The following UBAP2L variants were observed in gnomAD, a reference collection of about 807,000 sequenced individuals.
The protein encoded by UBAP2L is ubiquitin-associated protein 2-like.
Under a neutral mutation model 130.6 loss-of-function variants are expected in UBAP2L, and 12 were observed. The ratio of observed to expected loss-of-function variants is 0.09; its 90% CI spans 0.06 to 0.15. UBAP2L has a LOEUF of 0.15. Ranked by LOEUF, UBAP2L falls within the 10% of genes least tolerant of loss-of-function variation. The probability of loss-of-function intolerance (pLI) is 1.00; values close to 1 mark genes in which losing one functional copy is unlikely to be tolerated. For missense variants in UBAP2L, 965 were observed against 1,332.5 expected, an observed-to-expected ratio of 0.72 and a Z score of 4.29; for synonymous variants, 503 against 524.7, an observed-to-expected ratio of 0.96 and a Z score of 0.57.
At chr1:154,233,917 GACCAATA>G (rs1391723533) in intron 4 of UBAP2L, among the ~76,000 whole-genome samples, 1 of 146,272 alleles carries the variant, frequency 6.8e-6, no homozygotes, top group African/African-American at 2.8e-5. Flanking sequence ...GAAAGATAGG[GACCAATA>G]ACTTGGTCCT....
intron 1 of UBAP2L, among the ~76,000 whole-genome samples, chr1:154,221,908 C>G (rs1666298470): frequency 6.6e-6 from 1 of 152,192 alleles, no homozygotes; most frequent in Admixed American, 6.5e-5. Context: ...TATTTGTTCA[C>G]TCTTCTCATA....
chr1:154,225,299 G>C, intron 2 of UBAP2L, 86 bp downstream of exon 2: 1 of 1,460,846 alleles, frequency 6.8e-7, no homozygotes. Flanking sequence ...TCTGTGCTTT[G>C]AACTGTTGGT....
intron 25 of UBAP2L, among the ~76,000 whole-genome samples, chr1:154,267,174 G>A (rs953880678): frequency 1.0e-4 from 2 of 19,794 alleles, no homozygotes; most frequent in Non-Finnish European, 2.4e-4. Flanking sequence ...TTTTTTTTTT[G>A]AGATGGAGTC....
chr1:154,255,951 G>A (rs541742176), intron 18 of UBAP2L, among the ~76,000 whole-genome samples, 196 bp downstream of exon 18: 1 of 152,294 alleles, frequency 6.6e-6, no homozygotes, highest in East Asian at 1.9e-4. Flanking sequence ...TGAGCTCTGG[G>A]TCATTCCTAA....
chr1:154,260,840 GT>G, intron 22 of UBAP2L, 51 bp from the exon 23 acceptor site: 1 of 1,542,676 alleles, frequency 6.5e-7, no homozygotes, highest in Non-Finnish European at 8.9e-7. Context: ...AGGTAATTCT[GT>G]ATTGGTATTG....
intron 3 of UBAP2L, among the ~76,000 whole-genome samples, chr1:154,227,804 T>A (rs571967254): frequency 6.6e-6 from 1 of 152,308 alleles, no homozygotes; most frequent in Admixed American, 6.5e-5. Flanking sequence ...TGCCTCAGCC[T>A]CCCAAAGTGC....
At chr1:154,269,553 C>A in intron 26 of UBAP2L, 3 of 502,588 alleles carry the variant, frequency 6.0e-6, no homozygotes, top group Admixed American at 2.7e-5. Context: ...AGCTCTCTGG[C>A]CTCCCCTTCC....
intron 26 of UBAP2L, chr1:154,269,214 C>T (rs1381860033): frequency 1.8e-5 from 16 of 874,718 alleles, no homozygotes; most frequent in Non-Finnish European, 2.8e-5. Flanking sequence ...CCACAGTTGT[C>T]CTCATCCCAT....
intron 10 of UBAP2L, among the ~76,000 whole-genome samples, 158 bp downstream of exon 10, chr1:154,243,460 T>A (rs1194632403): frequency 6.6e-6 from 1 of 152,004 alleles, no homozygotes; most frequent in East Asian, 1.9e-4. Flanking sequence ...TGGAGAGACT[T>A]CTTTTTTTTT....
chr1:154,260,148 G>C, intron 22 of UBAP2L, 119 bp downstream of exon 22: 1 of 1,106,398 alleles, frequency 9.0e-7, no homozygotes, highest in South Asian at 1.3e-5. Flanking sequence ...TCAAAATCCT[G>C]CTAAAGTTGG....
At chr1:154,254,630 G>T in intron 15 of UBAP2L, 1 of 592,378 alleles carries the variant, frequency 1.7e-6, no homozygotes, top group Non-Finnish European at 2.9e-6. Flanking sequence ...ACACAGTGTT[G>T]GTATATCTCA....
intron 4 of UBAP2L, 95 bp from the exon 5 acceptor site, chr1:154,234,496 A>G: frequency 7.4e-7 from 1 of 1,353,574 alleles, no homozygotes; most frequent in Admixed American, 1.9e-5. Flanking sequence ...TGCTGAGTGG[A>G]GAATGGTTAA....
intron 10 of UBAP2L, among the ~76,000 whole-genome samples, chr1:154,245,633 GGGTGC>G (rs1443371299): frequency 1.3e-5 from 2 of 152,076 alleles, no homozygotes; most frequent in African/African-American, 4.8e-5. Flanking sequence ...ATTTGAGGCC[GGGTGC>G]GGTGCGGTGG....
chr1:154,263,049 C>A, intron 24 of UBAP2L: 3 of 1,537,416 alleles, frequency 2.0e-6, no homozygotes, highest in Non-Finnish European at 2.6e-6. Context: ...CCCAACCCCA[C>A]AAAGGGCTTT....
At chr1:154,257,768 A>C (rs1301224102) in intron 20 of UBAP2L, 1 of 328,340 alleles carries the variant, frequency 3.0e-6, no homozygotes, top group East Asian at 7.2e-5. Flanking sequence ...AAAAAATACT[A>C]AACTGAGGCC....
In UBAP2L at chr1:154,270,256, C is replaced by T; in HGVS notation, c.3225C>T (p.Asn1075=). Residue 1075 remains asparagine (N), a synonymous_variant, in exon 27 of 27, where the codon AAC becomes AAT. Transcript: ENST00000428931. ...CCATCCCGCAGAAGCCCCAGACCAA[C>T]AAGTCTGCCTACAACAGCTACAGCT... ...TSSIPQKPQT[N]KSAYNSYSWG... is the part of the protein sequence containing the mutation. 6.2e-7 allele frequency: 1 copy of T among 1,613,738 alleles called. No homozygotes were observed. Among genetic ancestry groups the T allele is most frequent in the African/African-American group, 1.3e-5 (1 of 75,040 alleles).
At chr1:154,233,673 G>GTGTT (rs1670669468) in intron 4 of UBAP2L, among the ~76,000 whole-genome samples, 1 of 150,886 alleles carries the variant, frequency 6.6e-6, no homozygotes. Flanking sequence ...GTGTGTGTGT[G>GTGTT]TGTGTCTGTA....
chr1:154,234,519 T>C (rs1455193834), intron 4 of UBAP2L, 72 bp from the exon 5 acceptor site: 1 of 1,534,652 alleles, frequency 6.5e-7, no homozygotes, highest in Non-Finnish European at 9.0e-7. Flanking sequence ...CAATCAGTCA[T>C]CCCAGCTTTC....
intron 7 of UBAP2L, 148 bp downstream of exon 7, chr1:154,236,759 C>A: frequency 1.3e-6 from 1 of 781,360 alleles, no homozygotes; most frequent in Non-Finnish European, 2.1e-6. Context: ...CCTTTACCAC[C>A]TGGATCATTA....
Sources: gnomAD v4.1 joint callset for allele counts (sites outside exome capture counted in the v4.1 genomes callset) on GRCh38, gnomAD v4.1.1 for gene constraint, MANE v1.5 for transcripts, NCBI Gene and HGNC (gene_info 2026-07-23, HGNC 2026-07-21) for gene names.